The following TOX2 variants were observed in gnomAD, a reference collection of about 807,000 sequenced individuals.
TOX2 encodes TOX high mobility group box family member 2.
In TOX2, 15 loss-of-function variants were observed where a neutral mutation model predicts 47.4. That is an observed-to-expected ratio of 0.32 (90% CI 0.21 to 0.49). The LOEUF (loss-of-function observed/expected upper bound fraction) is 0.49, where lower values mean the gene tolerates loss of function less well. TOX2 is among the 20% of genes least tolerant of loss of function. The pLI is 0.99. For missense variants in TOX2, 622 were observed against 673.1 expected (o/e 0.92, Z 0.84); for synonymous variants, 290 against 296.6 (o/e 0.98, Z 0.23).
chr20:43,946,615 C>T (rs1451721149), intron 1 of TOX2, among the ~76,000 whole-genome samples: 1 of 152,174 alleles, frequency 6.6e-6, no homozygotes, highest in Non-Finnish European at 1.5e-5. Flanking sequence ...GAAGTAAGGA[C>T]ATTAAAAAAT....
intron 5 of TOX2, among the ~76,000 whole-genome samples, chr20:44,060,013 A>C (rs2071689305): frequency 6.6e-6 from 1 of 152,216 alleles, no homozygotes; most frequent in African/African-American, 2.4e-5. Flanking sequence ...CAAGAGACTC[A>C]CCTGACACAT....
chr20:44,056,702 G>A (rs574665252), intron 5 of TOX2, among the ~76,000 whole-genome samples: 19 of 152,042 alleles, frequency 1.2e-4, no homozygotes, highest in Non-Finnish European at 2.1e-4. Flanking sequence ...TACTTAATGC[G>A]TTATAAATGG....
At position 43,952,180 on chromosome 20, in the gene TOX2, C is replaced by T. The variant is rs186329633; in HGVS notation, c.100-21187C>T. 3.3e-3 allele frequency among the ~76,000 whole-genome samples: 506 copies of T among 152,162 alleles called. 3 individuals are homozygous for T. The highest frequency in any genetic ancestry group is 0.011 in the African/African-American group (469 of 41,512). On this transcript the variant is annotated intron_variant, in intron 1 of 8. Transcript: ENST00000341197. ...CCTCCCAAAGTGCTGGAATTACAGG[C>T]GTGAGCCACTGCGCCCAGCAGAAAA...
At chr20:44,040,492 G>C (rs149779366) in intron 3 of TOX2, among the ~76,000 whole-genome samples, 1 of 152,114 alleles carries the variant, frequency 6.6e-6, no homozygotes, top group South Asian at 2.1e-4. Flanking sequence ...AGGGAGGAGG[G>C]TGATACTTTG....
At chr20:43,937,022 A>G (rs910683351) in intron 1 of TOX2, among the ~76,000 whole-genome samples, 13 of 152,226 alleles carry the variant, frequency 8.5e-5, no homozygotes, top group Admixed American at 8.5e-4. Flanking sequence ...CCTCTAGTCT[A>G]GCCAGTGAAT....
intron 3 of TOX2, among the ~76,000 whole-genome samples, chr20:44,007,038 C>T (rs937531519): frequency 2.0e-5 from 3 of 152,008 alleles, no homozygotes; most frequent in Non-Finnish European, 2.9e-5. Flanking sequence ...TGGAGCTCTG[C>T]GTACAGTATC....
At chr20:43,922,682 G>A (rs1291357405) in intron 1 of TOX2, among the ~76,000 whole-genome samples, 1 of 152,200 alleles carries the variant, frequency 6.6e-6, no homozygotes, top group East Asian at 1.9e-4. Flanking sequence ...TATGACACAG[G>A]ATAATACATT....
chr20:43,925,254 A>AGG (rs940633591), intron 1 of TOX2, among the ~76,000 whole-genome samples: 6 of 151,852 alleles, frequency 4.0e-5, no homozygotes, highest in African/African-American at 1.2e-4. Flanking sequence ...TGTAAATGGG[A>AGG]GGGGGGCATC....
intron 3 of TOX2, among the ~76,000 whole-genome samples, chr20:44,014,649 C>G (rs2070843885): frequency 6.6e-6 from 1 of 152,210 alleles, no homozygotes; most frequent in Non-Finnish European, 1.5e-5. Context: ...GATATTGTTA[C>G]CTGCCTCATA....
At chr20:44,022,237 G>T (rs1208843716) in intron 3 of TOX2, among the ~76,000 whole-genome samples, 3 of 152,172 alleles carry the variant, frequency 2.0e-5, no homozygotes, top group African/African-American at 7.2e-5. Context: ...GACTTGGAGA[G>T]AACTGGATTT....
chr20:43,918,409 C>T (rs2069080524), intron 1 of TOX2, among the ~76,000 whole-genome samples: 1 of 152,174 alleles, frequency 6.6e-6, no homozygotes, highest in Non-Finnish European at 1.5e-5. Flanking sequence ...ACCAGCATCC[C>T]AGTCCAGATA....
At chr20:43,990,162 A>G (rs564236169) in intron 2 of TOX2, among the ~76,000 whole-genome samples, 1 of 152,382 alleles carries the variant, frequency 6.6e-6, no homozygotes, top group East Asian at 1.9e-4. Flanking sequence ...TATGAAAAGT[A>G]CATAGGATAA....
intron 3 of TOX2, among the ~76,000 whole-genome samples, chr20:44,037,301 C>A (rs542245379): frequency 6.6e-6 from 1 of 152,310 alleles, no homozygotes; most frequent in South Asian, 2.1e-4. Flanking sequence ...CAAGCTCATA[C>A]CTTAAGCAAG....
chr20:43,939,806 G>C (rs2069377830), intron 1 of TOX2, among the ~76,000 whole-genome samples: 1 of 152,208 alleles, frequency 6.6e-6, no homozygotes, highest in Non-Finnish European at 1.5e-5. Flanking sequence ...ATGACAGAAA[G>C]TACCAGTGCC....
At chr20:44,059,017 A>C (rs1448702331) in intron 5 of TOX2, among the ~76,000 whole-genome samples, 4 of 152,272 alleles carry the variant, frequency 2.6e-5, no homozygotes, top group African/African-American at 9.6e-5. Context: ...CAATGGATCC[A>C]AACCAAGACA....
intron 1 of TOX2, among the ~76,000 whole-genome samples, chr20:43,930,551 A>G (rs1486966009): frequency 6.6e-6 from 1 of 151,962 alleles, no homozygotes; most frequent in African/African-American, 2.4e-5. Context: ...TCCCCTTCCC[A>G]TCTCCCTGGG....
chr20:43,966,613 G>A (rs2069857835), intron 1 of TOX2, among the ~76,000 whole-genome samples: 1 of 152,094 alleles, frequency 6.6e-6, no homozygotes, highest in South Asian at 2.1e-4. Flanking sequence ...ATTTAGCCAG[G>A]CTTGGTGGTG....
intron 5 of TOX2, among the ~76,000 whole-genome samples, chr20:44,061,822 G>T (rs1277198687): frequency 6.6e-6 from 1 of 152,092 alleles, no homozygotes; most frequent in Admixed American, 6.5e-5. Context: ...TGCAGGGATG[G>T]TTTAACATAC....
At chr20:43,919,714 C>T (rs955353525) in intron 1 of TOX2, among the ~76,000 whole-genome samples, 1 of 152,182 alleles carries the variant, frequency 6.6e-6, no homozygotes, top group African/African-American at 2.4e-5. Flanking sequence ...TGTTGTTCCC[C>T]TCCCTGTGTC....
Sources: gnomAD v4.1 joint callset for allele counts (sites outside exome capture counted in the v4.1 genomes callset) on GRCh38, gnomAD v4.1.1 for gene constraint, MANE v1.5 for transcripts, NCBI Gene and HGNC (gene_info 2026-07-23, HGNC 2026-07-21) for gene names.